Variants in HTR1E observed in about 807,000 individuals in gnomAD.
The protein encoded by HTR1E is 5-hydroxytryptamine receptor 1E, also known as 5-HT-1E.
In HTR1E, 3 loss-of-function variants were observed where a neutral mutation model predicts 3.4. The ratio of observed to expected loss-of-function variants is 0.89; its 90% CI spans 0.41 to 2.31. The LOEUF is 2.31. HTR1E is among the 30% of genes most tolerant of loss of function. The probability of loss-of-function intolerance (pLI) is 0.05; values close to 1 mark genes in which losing one functional copy is unlikely to be tolerated. For missense variants in HTR1E, 392 were observed against 467.0 expected, an observed-to-expected ratio of 0.84 and a Z score of 1.48; for synonymous variants, 170 against 182.8, an observed-to-expected ratio of 0.93 and a Z score of 0.56.
At chr6:86,940,322 G>A (rs1350971206) in intron 1 of HTR1E, among the ~76,000 whole-genome samples, 2 of 152,026 alleles carry the variant, frequency 1.3e-5, no homozygotes, top group Non-Finnish European at 2.9e-5. Flanking sequence ...GATCACATGA[G>A]CCCATGAGTT....
chr6:86,961,245 C>A (rs1328009792), intron 1 of HTR1E, among the ~76,000 whole-genome samples: 1 of 152,158 alleles, frequency 6.6e-6, no homozygotes, highest in African/African-American at 2.4e-5. Flanking sequence ...TTAAAATCAT[C>A]TCCTCATGCC....
intron 1 of HTR1E, among the ~76,000 whole-genome samples, chr6:86,973,992 C>A (rs746988973): frequency 6.6e-6 from 1 of 152,202 alleles, no homozygotes; most frequent in Non-Finnish European, 1.5e-5. Flanking sequence ...GTCTCCTTCA[C>A]CTCTGGTTGA....
intron 1 of HTR1E, among the ~76,000 whole-genome samples, chr6:87,009,628 G>A (rs1390995148): frequency 2.1e-4 from 31 of 146,728 alleles, no homozygotes; most frequent in African/African-American, 6.7e-4. Context: ...TCACTTCCCA[G>A]TAGGGGCGGC....
At chr6:86,979,380 T>C (rs1298030244) in intron 1 of HTR1E, among the ~76,000 whole-genome samples, 1 of 152,198 alleles carries the variant, frequency 6.6e-6, no homozygotes, top group Non-Finnish European at 1.5e-5. Context: ...AAGGAGTCCA[T>C]GACTCAAAAA....
chr6:86,945,543 C>CA (rs1768604373), intron 1 of HTR1E, among the ~76,000 whole-genome samples: 1 of 149,348 alleles, frequency 6.7e-6, no homozygotes, highest in East Asian at 2.0e-4. Flanking sequence ...TAGTTTTTAA[C>CA]AAAAAAGTGT....
At chr6:86,974,436 A>G (rs1054188458) in intron 1 of HTR1E, among the ~76,000 whole-genome samples, 17 of 152,198 alleles carry the variant, frequency 1.1e-4, no homozygotes, top group African/African-American at 4.1e-4. Flanking sequence ...ATGGGGTCTC[A>G]GTCTTAAATT....
intron 1 of HTR1E, among the ~76,000 whole-genome samples, chr6:86,984,367 T>A (rs1186657143): frequency 2.6e-5 from 4 of 152,218 alleles, no homozygotes; most frequent in African/African-American, 4.8e-5. Flanking sequence ...TCCACATTCT[T>A]TCAATTGACC....
chr6:86,986,699 A>G (rs1767793472), intron 1 of HTR1E, among the ~76,000 whole-genome samples: 1 of 152,200 alleles, frequency 6.6e-6, no homozygotes, highest in South Asian at 2.1e-4. Flanking sequence ...AGTTAAGAAA[A>G]ATAAATATAA....
chr6:87,006,691 T>C (rs1055508717), intron 1 of HTR1E, among the ~76,000 whole-genome samples: 3 of 152,154 alleles, frequency 2.0e-5, no homozygotes, highest in African/African-American at 7.2e-5. Context: ...CCATCAATGA[T>C]ACACTGGTAA....
intron 1 of HTR1E, among the ~76,000 whole-genome samples, chr6:87,010,099 G>A (rs1484453219): frequency 4.6e-5 from 6 of 130,968 alleles, no homozygotes; most frequent in East Asian, 2.5e-4. Context: ...GTGGCTGGCC[G>A]GGCTGAGGGG....
chr6:86,989,421 T>C lies in HTR1E; in HGVS notation c.-185-25729T>C, dbSNP rs190559660. On this transcript the variant is annotated intron_variant, in intron 1 of 1. Transcript: ENST00000305344. ...GATAAAAAAAATGATGAGCTATTTA[T>C]ACTTTGCAGACATAGGTGGTTGTTG... Among the ~76,000 whole-genome samples the C allele has an allele frequency of 6.1e-4, 93 of 152,330 alleles. 1 individual carries two copies. The highest frequency in any genetic ancestry group is 3.3e-4 in the Admixed American group (5 of 15,292).
chr6:86,952,907 A>G lies in HTR1E; in HGVS notation c.-186+15084A>G, dbSNP rs191336375. On this transcript the variant is annotated intron_variant, in intron 1 of 1. Transcript: ENST00000305344. ...GTTACCAGACCAGAGAATATATTGC[A>G]TCCTGCAAGACAAGGATTGCAAGAA... Among the ~76,000 whole-genome samples, 254 of 152,352 alleles carry G rather than the reference A, an allele frequency of 1.7e-3. 2 individuals are homozygous for G. Among genetic ancestry groups the G allele is most frequent in the Middle Eastern group, 0.01 (3 of 294 alleles).
intron 1 of HTR1E, 61 bp downstream of exon 1, chr6:86,937,884 G>C (rs1768492455): frequency 6.5e-6 from 1 of 152,790 alleles, no homozygotes; most frequent in Non-Finnish European, 1.5e-5. Flanking sequence ...ACCCACTCCA[G>C]GTACTCCAGC....
chr6:86,973,802 C>A, intron 1 of HTR1E, among the ~76,000 whole-genome samples: 1 of 152,206 alleles, frequency 6.6e-6, no homozygotes. Context: ...CACTTTCAGG[C>A]AGCCAACAGC....
chr6:86,990,444 T>G (rs763174604), intron 1 of HTR1E, among the ~76,000 whole-genome samples: 1 of 152,142 alleles, frequency 6.6e-6, no homozygotes, highest in African/African-American at 2.4e-5. Context: ...CAAAGAGGTG[T>G]TGTTGCCAGT....
At chr6:86,991,031 C>T (rs1192342590) in intron 1 of HTR1E, among the ~76,000 whole-genome samples, 1 of 152,130 alleles carries the variant, frequency 6.6e-6, no homozygotes, top group African/African-American at 2.4e-5. Flanking sequence ...ATGAGAAGGG[C>T]TTGACTTCTG....
chr6:86,999,289 T>G (rs1264828054), intron 1 of HTR1E, among the ~76,000 whole-genome samples: 2 of 151,982 alleles, frequency 1.3e-5, no homozygotes, highest in African/African-American at 2.4e-5. Context: ...GTTTTGTTTT[T>G]CAAAAATAGG....
At chr6:86,967,474 A>G (rs1208721671) in intron 1 of HTR1E, among the ~76,000 whole-genome samples, 1 of 152,212 alleles carries the variant, frequency 6.6e-6, no homozygotes, top group Non-Finnish European at 1.5e-5. Context: ...ATGGAGAGAA[A>G]GTATTATCAA....
chr6:87,003,879 G>A (rs575718448), intron 1 of HTR1E, among the ~76,000 whole-genome samples: 1 of 152,202 alleles, frequency 6.6e-6, no homozygotes, highest in East Asian at 1.9e-4. Context: ...GTCAAACTAA[G>A]AAAAGGGAGA....
Sources: gnomAD v4.1 joint callset for allele counts (sites outside exome capture counted in the v4.1 genomes callset) on GRCh38, gnomAD v4.1.1 for gene constraint, MANE v1.5 for transcripts, NCBI Gene and HGNC (gene_info 2026-07-23, HGNC 2026-07-21) for gene names.